SSBP4: variants seen among roughly 807,000 people sequenced by gnomAD.
SSBP4 encodes the protein single-stranded DNA-binding protein 4.
In SSBP4, 33 loss-of-function variants were observed where a neutral mutation model predicts 64.6. That is an observed-to-expected ratio of 0.51 (90% CI 0.39 to 0.68). The LOEUF (loss-of-function observed/expected upper bound fraction) is 0.68. SSBP4 is among the 30% of genes least tolerant of loss of function. SSBP4 has a pLI of 0.00. For missense variants in SSBP4, 583 were observed against 566.8 expected (o/e 1.03, Z -0.29); for synonymous variants, 243 against 224.0 (o/e 1.08, Z -0.76).
chr19:18,414,653 C>T (rs930769271), upstream of SSBP4, among the ~76,000 whole-genome samples: 1 of 152,160 alleles, frequency 6.6e-6, no homozygotes, highest in African/African-American at 2.4e-5. Context: ...ACACAAGGTG[C>T]TAGAAGCACA....
Position 18,419,505 on chromosome 19 carries a change from T to C in SSBP4, c.-144T>C. ...CGCCGCCGCCGCGGCCGTCTGGAGCTCCCCCGCGCGGACGATGCCTGCCGT... is the reference window on the plus strand; with the variant it reads ...CGCCGCCGCCGCGGCCGTCTGGAGCCCCCCCGCGCGGACGATGCCTGCCGT... On this transcript the variant is annotated 5_prime_UTR_variant, in exon 1 of 18. Coordinates refer to ENST00000270061, the MANE Select transcript of SSBP4 (RefSeq NM_032627.5). The C allele has an allele frequency of 9.1e-7, 1 of 1,102,806 alleles. No individual in the cohort carries two copies. Among genetic ancestry groups the C allele is most frequent in the Non-Finnish European group, 1.1e-6 (1 of 905,254 alleles). The allele number at this position is 1,102,806 out of a possible 1,614,324, so 68.3% of individuals were successfully genotyped here.
At chr19:18,424,452 A>T (rs1383366772) in intron 1 of SSBP4, among the ~76,000 whole-genome samples, 1 of 151,556 alleles carries the variant, frequency 6.6e-6, no homozygotes, top group African/African-American at 2.4e-5. Context: ...GGGGGCTTCC[A>T]TGTGACAGTG....
chr19:18,431,760 C>T lies in SSBP4; in HGVS notation c.496-33C>T, dbSNP rs745486627. ...AGGAGCTGGGCCGGGGAGGGAGCAC[C>T]CCACACTCAGTGCCGCCGCACCCCC... On this transcript the variant is annotated intron_variant, in intron 7 of 17. Transcript: ENST00000270061. 2.4e-5 allele frequency: 37 copies of T among 1,539,686 alleles called. No homozygotes were observed. In the South Asian group the frequency reaches 4.3e-4, roughly 18 times the overall value.
rs748671816 is a variant in SSBP4 at position 18,433,143 on chromosome 19, C to T, written c.921C>T (p.Leu307=). 6.9e-6 allele frequency: 11 copies of T among 1,604,946 alleles called. No homozygotes were observed. Among genetic ancestry groups the T allele is most frequent in the Middle Eastern group, 1.6e-4 (1 of 6,070 alleles). ...GQGAGRANFP[L]GPGPEGPMAA... is the part of the protein sequence containing the mutation. ...TGTCCCCATGCCCGCAGTTCCCGCT[C>T]GGCCCTGGCCCGGAGGGCCCCATGG... is the stretch of plus-strand genomic sequence containing the variant. Residue 307 remains leucine, a synonymous_variant, in exon 15 of 18, where the codon CTC becomes CTT. Transcript: ENST00000270061.
chr19:18,427,581 A>G lies in SSBP4; in HGVS notation c.132+158A>G, dbSNP rs879838378. 4.6e-5 allele frequency among the ~76,000 whole-genome samples: 7 copies of G among 152,140 alleles called. No individual in the cohort carries two copies. Among genetic ancestry groups the G allele is most frequent in the Non-Finnish European group, 8.8e-5 (6 of 68,004 alleles). On this transcript the variant is annotated intron_variant, in intron 2 of 17. Coordinates refer to ENST00000270061, the MANE Select transcript of SSBP4 (RefSeq NM_032627.5). The surrounding 1 kb of genome is among the most constrained non-coding windows in gnomAD (Gnocchi z 4.4). Reference sequence around the variant, plus strand: ...CCAGGCCCTGGGCTAGCATCCAGGCATCTGGTCCACATGCCCAGCCGGGAC... The same window carrying G: ...CCAGGCCCTGGGCTAGCATCCAGGCGTCTGGTCCACATGCCCAGCCGGGAC...
Position 18,431,421 on chromosome 19 carries a change from A to T in SSBP4, c.435+3A>T. ...CCATGATGGGGCCTCACGGTCAGGT[A>T]AGGAGCTGTGGTGCCTGCCCCTCAC... is the stretch of plus-strand genomic sequence containing the variant. On this transcript the variant is annotated splice_donor_region_variant and intron_variant, in intron 6 of 17. Transcript: ENST00000270061. 6.6e-7 allele frequency: 1 copy of T among 1,507,254 alleles called. No homozygotes were observed. The highest frequency in any genetic ancestry group is 9.0e-7 in the Non-Finnish European group (1 of 1,114,622). 93.4% of individuals were successfully genotyped at this position (1,507,254 alleles called of 1,614,324 possible). A position where few individuals can be genotyped will look rare whatever the true frequency, so the allele number is the denominator to read the frequency against.
chr19:18,433,535 C>T, intron 15 of SSBP4, 50 bp from the exon 16 acceptor site: 1 of 1,545,352 alleles, frequency 6.5e-7, no homozygotes. Flanking sequence ...GGCCGAGGGG[C>T]ATGGCGCCAG....
intron 1 of SSBP4, among the ~76,000 whole-genome samples, chr19:18,421,528 G>C (rs929313580): frequency 6.6e-6 from 1 of 152,148 alleles, no homozygotes; most frequent in Non-Finnish European, 1.5e-5. Flanking sequence ...GCAGGCTCCG[G>C]TCGGGATGGC....
intron 4 of SSBP4, among the ~76,000 whole-genome samples, chr19:18,429,604 T>G (rs1973178842): frequency 7.2e-6 from 1 of 139,430 alleles, no homozygotes; most frequent in African/African-American, 2.7e-5. Context: ...CCTCGGGGAG[T>G]GGACCGGAGG....
At chr19:18,429,366 T>A (rs185848464) in intron 4 of SSBP4, among the ~76,000 whole-genome samples, 1 of 150,810 alleles carries the variant, frequency 6.6e-6, no homozygotes, top group Non-Finnish European at 1.5e-5. Flanking sequence ...TCTTCAGGGA[T>A]GATTGACGTA....
chr19:18,405,752 C>T, the SSBP4 span, among the ~76,000 whole-genome samples: 3 of 152,068 alleles, frequency 2.0e-5, no homozygotes, highest in African/African-American at 4.8e-5. Context: ...TTTGGGAGAT[C>T]GAGAGCAGGC....
In SSBP4 at chr19:18,419,518, C is replaced by A; in HGVS notation, c.-131C>A. 9.0e-7 allele frequency: 1 copy of A among 1,115,052 alleles called. No homozygotes were observed. Among genetic ancestry groups the A allele is most frequent in the Non-Finnish European group, 1.1e-6 (1 of 912,156 alleles). The allele number at this position is 1,115,052 out of a possible 1,614,324, so 69.1% of individuals were successfully genotyped here. A position where few individuals can be genotyped will look rare whatever the true frequency, so the allele number is the denominator to read the frequency against. On this transcript the variant is annotated 5_prime_UTR_variant, in exon 1 of 18. Transcript: ENST00000270061. ...GCCGTCTGGAGCTCCCCCGCGCGGACGATGCCTGCCGTGCCCGCCTGGGGC... is the reference window on the plus strand; with the variant it reads ...GCCGTCTGGAGCTCCCCCGCGCGGAAGATGCCTGCCGTGCCCGCCTGGGGC...
chr19:18,431,865 G>A lies in SSBP4; in HGVS notation c.565+3G>A. The A allele has an allele frequency of 6.4e-7, 1 of 1,571,244 alleles. No homozygotes were observed. The highest frequency in any genetic ancestry group is 8.6e-7 in the Non-Finnish European group (1 of 1,156,658). On this transcript the variant is annotated splice_donor_region_variant and intron_variant, in intron 8 of 17. Coordinates refer to ENST00000270061, the MANE Select transcript of SSBP4 (RefSeq NM_032627.5). ...GGAGCCCTCCCCACGAGCCCAGGGT[G>A]AGTAGGGAAGCTCCAGCCCCTATCC... is the stretch of plus-strand genomic sequence containing the variant.
At chr19:18,410,489 A>C in the SSBP4 span, among the ~76,000 whole-genome samples, 1 of 152,182 alleles carries the variant, frequency 6.6e-6, no homozygotes, top group Non-Finnish European at 1.5e-5. Flanking sequence ...AATATGGACA[A>C]ACAAGAAAAA....
the SSBP4 span, among the ~76,000 whole-genome samples, chr19:18,404,013 A>G: frequency 6.6e-6 from 1 of 151,618 alleles, no homozygotes. Flanking sequence ...GGCAGCCGCC[A>G]GAGATGGCCC....
upstream of SSBP4, chr19:18,419,368 GGC>G (rs1417200508): frequency 4.9e-6 from 5 of 1,025,266 alleles, no homozygotes; most frequent in African/African-American, 1.7e-5. Flanking sequence ...AGCGGGCGGG[GGC>G]GCGCGCGGCG....
upstream of SSBP4, among the ~76,000 whole-genome samples, chr19:18,415,045 C>A (rs533956666): frequency 4.8e-4 from 73 of 152,252 alleles, no homozygotes; most frequent in African/African-American, 1.7e-3. Context: ...CTTCCTGAGT[C>A]AAAGGCCCAG....
chr19:18,416,889 G>A (rs1290074083), upstream of SSBP4, among the ~76,000 whole-genome samples: 2 of 152,218 alleles, frequency 1.3e-5, no homozygotes, highest in African/African-American at 4.8e-5. Context: ...AGTGCGCGCG[G>A]CTCAGCTCCC....
rs374968913 is a variant in SSBP4, at chr19:18,420,558, T to C, written c.59+851T>C. On this transcript the variant is annotated intron_variant, in intron 1 of 17. Coordinates refer to ENST00000270061, the MANE Select transcript of SSBP4 (RefSeq NM_032627.5). ...AGGAAGGGCACGGGGCAGTTTGCAG[T>C]GTTGTTAAAAGTGCCCAGAGGCCGG... 2.0e-5 allele frequency among the ~76,000 whole-genome samples: 3 copies of C among 151,836 alleles called. No homozygotes were observed. In the South Asian group the frequency reaches 6.2e-4, roughly 32 times the overall value.
Sources: allele counts gnomAD v4.1 joint callset (sites outside exome capture counted in the v4.1 genomes callset), GRCh38; gene constraint gnomAD v4.1.1; non-coding constraint Gnocchi (gnomAD v3.1); transcripts MANE v1.5; gene names NCBI Gene and HGNC (gene_info 2026-07-23, HGNC 2026-07-21).